The following BTG4 variants were observed in gnomAD, a reference collection of about 807,000 sequenced individuals.
BTG4 encodes the protein BTG anti-proliferation factor 4.
BTG4 carries 10 observed loss-of-function variants against 19.3 expected under a neutral mutation model. The ratio of observed to expected loss-of-function variants is 0.52; its 90% CI spans 0.32 to 0.88. The LOEUF is 0.88. Ranked by LOEUF, BTG4 falls within the 40% of genes least tolerant of loss-of-function variation. BTG4 has a pLI of 0.04. For synonymous variants in BTG4, 91 were observed against 95.7 expected (o/e 0.95, Z 0.29); for missense variants, 238 against 281.9 (o/e 0.84, Z 1.11).
At chr11:111,412,195 C>T in the BTG4 span, among the ~76,000 whole-genome samples, 1 of 152,188 alleles carries the variant, frequency 6.6e-6, no homozygotes, top group Non-Finnish European at 1.5e-5. Context: ...ATCAAGACTA[C>T]AATGCTCAAA....
chr11:111,467,456 T>C (rs937285693), downstream of BTG4: 10 of 492,434 alleles, frequency 2.0e-5, no homozygotes, highest in Admixed American at 4.0e-4. Flanking sequence ...AATGCCCCAA[T>C]GCATTTACTT....
the BTG4 span, among the ~76,000 whole-genome samples, chr11:111,427,667 A>G: frequency 1.3e-5 from 2 of 152,160 alleles, no homozygotes; most frequent in Admixed American, 6.5e-5. Context: ...ACTGTGTCTG[A>G]GGGGAGGTCT....
At chr11:111,430,015 C>T in the BTG4 span, among the ~76,000 whole-genome samples, 1 of 152,226 alleles carries the variant, frequency 6.6e-6, no homozygotes, top group Non-Finnish European at 1.5e-5. Context: ...TCAGTGAGCT[C>T]TTTCTGCTGA....
At position 111,498,113 on chromosome 11, in the gene BTG4, G is replaced by T. The variant is rs1241672309; in HGVS notation, c.196C>A (p.Gln66Lys). Residue 66 changes from glutamine (Q) to lysine (K), a missense_variant, in exon 3 of 5, where the codon CAG becomes AAG. Coordinates refer to ENST00000692032, the MANE Select transcript of BTG4 (RefSeq NM_001367975.1). ...CTTTCTAGAATGGGATCTTTATTCT[G>T]ATTGTTGTTTATCCTGATGCACCTT... ...AFRCIRINNN[Q>K]NKDPILERAC... 1 of 1,614,016 alleles carries T rather than the reference G, an allele frequency of 6.2e-7. No individual in the cohort carries two copies. Among genetic ancestry groups the T allele is most frequent in the Non-Finnish European group, 8.5e-7 (1 of 1,179,960 alleles).
chr11:111,406,268 C>G, the BTG4 span, among the ~76,000 whole-genome samples: 1 of 152,250 alleles, frequency 6.6e-6, no homozygotes, highest in African/African-American at 2.4e-5. Flanking sequence ...GCACACGCCA[C>G]TGTGCTGGCT....
the BTG4 span, among the ~76,000 whole-genome samples, chr11:111,395,385 T>A: frequency 1.3e-5 from 2 of 152,146 alleles, no homozygotes; most frequent in African/African-American, 4.8e-5. Flanking sequence ...CCTGCTCCCA[T>A]CCCTGCTCCC....
rs573177055 is a variant in BTG4, at chr11:111,478,462, T to C, written c.663-10781A>G. Among the ~76,000 whole-genome samples, 4 of 152,142 alleles carry C rather than the reference T, an allele frequency of 2.6e-5. No individual in the cohort carries two copies. In the East Asian group the frequency reaches 7.7e-4, roughly 29 times the overall value. ...AGCATCCAGGTTTGGCAAAAATCAT[T>C]CATCACACTAAAAACCAGAAAGATA... is the stretch of plus-strand genomic sequence containing the variant. On this transcript the variant is annotated intron_variant, in intron 5 of 5. Coordinates refer to the BTG4 transcript ENST00000356018.
the BTG4 span, among the ~76,000 whole-genome samples, chr11:111,401,204 G>C: frequency 1.3e-5 from 2 of 151,990 alleles, no homozygotes; most frequent in Non-Finnish European, 2.9e-5. Context: ...AAGAAAGCTG[G>C]GGCCAGGCGC....
intron 4 of BTG4, chr11:111,496,464 G>T (rs925568786): frequency 6.6e-6 from 1 of 152,050 alleles, no homozygotes; most frequent in South Asian, 2.1e-4. Context: ...ACAACCATGT[G>T]GAAACAGCCT....
intron 5 of BTG4, among the ~76,000 whole-genome samples, chr11:111,482,578 G>A (rs1268445076): frequency 6.6e-6 from 1 of 152,080 alleles, no homozygotes; most frequent in Admixed American, 6.6e-5. Flanking sequence ...AAAACTGTGT[G>A]GTGTTGGCAG....
At chr11:111,419,389 G>A in the BTG4 span, among the ~76,000 whole-genome samples, 5 of 152,350 alleles carry the variant, frequency 3.3e-5, no homozygotes, top group African/African-American at 4.8e-5. Flanking sequence ...ACTGGTAACC[G>A]AACTTAACTC....
At chr11:111,453,422 G>T in the BTG4 span, 7 of 456,456 alleles carry the variant, frequency 1.5e-5, no homozygotes, top group South Asian at 9.3e-5. Flanking sequence ...CAGTGTCACA[G>T]CCTGAGCTGG....
At chr11:111,479,228 T>C (rs1399333729) in intron 5 of BTG4, among the ~76,000 whole-genome samples, 2 of 152,098 alleles carry the variant, frequency 1.3e-5, no homozygotes, top group African/African-American at 4.8e-5. Flanking sequence ...TAATGCTGAA[T>C]GAAAAGAGCT....
At chr11:111,460,730 G>C in the BTG4 span, among the ~76,000 whole-genome samples, 1 of 152,174 alleles carries the variant, frequency 6.6e-6, no homozygotes, top group Non-Finnish European at 1.5e-5. Context: ...GCTGCTGAAG[G>C]GTTCTCAGAC....
the BTG4 span, among the ~76,000 whole-genome samples, chr11:111,434,558 AAAT>A: frequency 2.1e-5 from 3 of 142,984 alleles, no homozygotes; most frequent in Non-Finnish European, 4.5e-5. Context: ...ATAATTTTAA[AAAT>A]AATAATAAAT....
chr11:111,514,479 G>A, upstream of BTG4: 1 of 395,722 alleles, frequency 2.5e-6, no homozygotes, highest in South Asian at 2.7e-5. Context: ...GGGGGGAGGG[G>A]AGAGGATGTG....
the BTG4 span, among the ~76,000 whole-genome samples, chr11:111,442,610 C>T: frequency 6.7e-6 from 1 of 148,972 alleles, no homozygotes; most frequent in Admixed American, 6.7e-5. Flanking sequence ...ACAACAACAA[C>T]AACAACAACA....
intron 5 of BTG4, among the ~76,000 whole-genome samples, chr11:111,473,108 T>C (rs1326838563): frequency 6.6e-6 from 1 of 151,274 alleles, no homozygotes; most frequent in Non-Finnish European, 1.5e-5. Context: ...CAAACTTGCC[T>C]AAGACATAGC....
upstream of BTG4, chr11:111,513,427 A>T (rs184604976): frequency 3.7e-6 from 2 of 534,284 alleles, no homozygotes; most frequent in East Asian, 5.4e-5. Flanking sequence ...TGAGACTGCA[A>T]TTTTTTCTAT....
Sources: gnomAD v4.1 joint callset for allele counts (sites outside exome capture counted in the v4.1 genomes callset) on GRCh38, gnomAD v4.1.1 for gene constraint, MANE v1.5 for transcripts, NCBI Gene and HGNC (gene_info 2026-07-23, HGNC 2026-07-21) for gene names.